The following DACH1 variants were observed in gnomAD, a reference collection of about 807,000 sequenced individuals.
DACH1 encodes the protein dachshund homolog 1.
Under a neutral mutation model 54.2 loss-of-function variants are expected in DACH1, and 12 were observed. The ratio of observed to expected loss-of-function variants is 0.22; its 90% CI spans 0.14 to 0.36. DACH1 has a LOEUF of 0.36. Among genes scored for constraint, DACH1 ranks in the 10% least tolerant of loss-of-function variants. DACH1 has a pLI of 1.00. For synonymous variants in DACH1, 386 were observed against 366.2 expected, an observed-to-expected ratio of 1.05 and a Z score of -0.62; for missense variants, 805 against 929.8, an observed-to-expected ratio of 0.87 and a Z score of 1.75.
intron 1 of DACH1, among the ~76,000 whole-genome samples, chr13:71,748,880 TTCTTTC>T (rs1566476691): frequency 6.0e-5 from 1 of 16,618 alleles, no homozygotes; most frequent in East Asian, 4.8e-4. Flanking sequence ...CTTTCTTTCT[TTCTTTC>T]TTTCTTTCTT....
In DACH1 at chr13:71,506,763, C is replaced by A. The variant is rs530271701; in HGVS notation, c.1571-17615G>T. Among the ~76,000 whole-genome samples the A allele has an allele frequency of 4.4e-3, 667 of 152,130 alleles. 3 individuals carry two copies. The highest frequency in any genetic ancestry group is 7.4e-3 in the Non-Finnish European group (506 of 67,992). ...CAGAAATAATGCCACATATCTACAA[C>A]TATCTGATCTTTGATAAACCTGAGA... On this transcript the variant is annotated intron_variant, in intron 6 of 10. Coordinates refer to ENST00000613252, the MANE Select transcript of DACH1 (RefSeq NM_080759.6).
At chr13:71,730,152 T>C (rs921457637) in intron 1 of DACH1, among the ~76,000 whole-genome samples, 2 of 152,106 alleles carry the variant, frequency 1.3e-5, no homozygotes, top group East Asian at 1.9e-4. Flanking sequence ...TATACATATG[T>C]AACTAACCTG....
intron 7 of DACH1, among the ~76,000 whole-genome samples, chr13:71,483,963 T>C (rs113888472): frequency 2.0e-5 from 3 of 152,224 alleles, no homozygotes; most frequent in East Asian, 1.9e-4. Context: ...TGCACAACTC[T>C]AAGACTGTCC....
chr13:71,744,482 C>T (rs540278133), intron 1 of DACH1, among the ~76,000 whole-genome samples: 2 of 152,296 alleles, frequency 1.3e-5, no homozygotes, highest in South Asian at 4.1e-4. Context: ...AGTATCTTTC[C>T]TATCACAATT....
chr13:71,465,655 T>C (rs982783630), intron 10 of DACH1, among the ~76,000 whole-genome samples: 2 of 152,102 alleles, frequency 1.3e-5, no homozygotes, highest in African/African-American at 2.4e-5. Flanking sequence ...ATCATTTTTT[T>C]CACTTGATAA....
chr13:71,838,323 G>C (rs1365246040), intron 1 of DACH1, among the ~76,000 whole-genome samples: 2 of 152,120 alleles, frequency 1.3e-5, no homozygotes, highest in African/African-American at 2.4e-5. Context: ...TAGCAAAAAG[G>C]AGTTCAGTGA....
chr13:71,695,164 T>A (rs1447265339), intron 1 of DACH1, among the ~76,000 whole-genome samples: 1 of 152,224 alleles, frequency 6.6e-6, no homozygotes, highest in Non-Finnish European at 1.5e-5. Context: ...TTAATTTCAT[T>A]GCTTGTTAGA....
intron 4 of DACH1, among the ~76,000 whole-genome samples, chr13:71,564,611 A>C (rs1401165960): frequency 6.6e-6 from 1 of 152,156 alleles, no homozygotes; most frequent in African/African-American, 2.4e-5. Context: ...GAATTCAAAA[A>C]CAACATACTC....
chr13:71,737,249 GA>G (rs1275399766), intron 1 of DACH1, among the ~76,000 whole-genome samples: 4 of 152,054 alleles, frequency 2.6e-5, no homozygotes, highest in Non-Finnish European at 4.4e-5. Context: ...AAGTTGAAGG[GA>G]AAAAGCTATG....
chr13:71,655,088 C>A lies in DACH1; in HGVS notation c.965-24371G>T, dbSNP rs1365291293. On this transcript the variant is annotated intron_variant, in intron 2 of 10. Transcript: ENST00000613252. ...AATTTCCAGATTGCTCATTTGAAAT[C>A]ATTGAAAGCAACTTGTTTCTTCAAC... is the stretch of plus-strand genomic sequence containing the variant. 2.0e-5 allele frequency among the ~76,000 whole-genome samples: 3 copies of A among 152,182 alleles called. No individual in the cohort carries two copies. The South Asian group carries it at 6.2e-4, about 31-fold the overall frequency.
intron 2 of DACH1, among the ~76,000 whole-genome samples, chr13:71,646,479 T>C (rs1313629056): frequency 1.3e-5 from 2 of 152,194 alleles, no homozygotes; most frequent in Admixed American, 1.3e-4. Context: ...CAGAGTCTAA[T>C]ACATGTCATA....
At chr13:71,809,858 G>A (rs949285284) in intron 1 of DACH1, among the ~76,000 whole-genome samples, 1 of 152,118 alleles carries the variant, frequency 6.6e-6, no homozygotes, top group Non-Finnish European at 1.5e-5. Context: ...AACAGGTAAA[G>A]TTTTAAGCAC....
chr13:71,812,804 C>T (rs1180341951), intron 1 of DACH1, among the ~76,000 whole-genome samples: 1 of 152,144 alleles, frequency 6.6e-6, no homozygotes, highest in East Asian at 1.9e-4. Context: ...ATCCTGACCC[C>T]CATGACCAAA....
chr13:71,756,715 G>A (rs2137994731), intron 1 of DACH1, among the ~76,000 whole-genome samples: 1 of 152,126 alleles, frequency 6.6e-6, no homozygotes, highest in African/African-American at 2.4e-5. Flanking sequence ...ATCATCTTTA[G>A]AGTAGAAATA....
intron 1 of DACH1, among the ~76,000 whole-genome samples, chr13:71,841,327 T>A (rs1179984823): frequency 1.3e-5 from 2 of 152,108 alleles, no homozygotes. Flanking sequence ...TTGTTATTTT[T>A]AATTGACATA....
At chr13:71,504,564 A>G (rs1880165436) in intron 6 of DACH1, among the ~76,000 whole-genome samples, 1 of 152,198 alleles carries the variant, frequency 6.6e-6, no homozygotes, top group South Asian at 2.1e-4. Flanking sequence ...GAGAGAGGTT[A>G]GAATGGAATT....
intron 10 of DACH1, among the ~76,000 whole-genome samples, chr13:71,474,178 A>T (rs1877321733): frequency 6.6e-6 from 1 of 152,174 alleles, no homozygotes; most frequent in Non-Finnish European, 1.5e-5. Context: ...TCTTTCCTCA[A>T]AAATGTTTCT....
Position 71,815,324 on chromosome 13 carries a change from G to A in DACH1, c.848+50598C>T, listed in dbSNP as rs181579973. On this transcript the variant is annotated intron_variant, in intron 1 of 10. Coordinates refer to ENST00000613252, the MANE Select transcript of DACH1 (RefSeq NM_080759.6). Reference sequence around the variant, plus strand: ...AGTATTCATGTTGTTCTTAAAAAAGGGGGTGGGCGGGGGGAGTAGCTGAGC... The same window carrying A: ...AGTATTCATGTTGTTCTTAAAAAAGAGGGTGGGCGGGGGGAGTAGCTGAGC... Among the ~76,000 whole-genome samples, 212 of 151,260 alleles carry A rather than the reference G, an allele frequency of 1.4e-3. 1 individual carries two copies. The highest frequency in any genetic ancestry group is 4.9e-3 in the African/African-American group (201 of 41,292).
intron 1 of DACH1, among the ~76,000 whole-genome samples, chr13:71,781,124 G>C (rs1486425302): frequency 6.6e-6 from 1 of 151,978 alleles, no homozygotes; most frequent in Admixed American, 6.6e-5. Context: ...GACAGAGCGA[G>C]ATTTTGTTAT....
Sources: gnomAD v4.1 joint callset for allele counts (sites outside exome capture counted in the v4.1 genomes callset) on GRCh38, gnomAD v4.1.1 for gene constraint, MANE v1.5 for transcripts, NCBI Gene and HGNC (gene_info 2026-07-23, HGNC 2026-07-21) for gene names.